Variants in IL5RA observed in about 807,000 individuals in gnomAD.
IL5RA encodes the protein interleukin 5 receptor subunit alpha.
In IL5RA, 49 loss-of-function variants were observed where a neutral mutation model predicts 50.0. That is an observed-to-expected ratio of 0.98 (90% confidence interval 0.78 to 1.24). IL5RA has a LOEUF of 1.24. Ranked by LOEUF, IL5RA falls within the 50% of genes most tolerant of loss-of-function variation. The probability of loss-of-function intolerance (pLI) is 0.00; values close to 1 mark genes in which losing one functional copy is unlikely to be tolerated. For synonymous variants in IL5RA, 202 were observed against 174.0 expected (o/e 1.16, Z -1.26); for missense variants, 600 against 500.4 (o/e 1.20, Z -1.90).
chr3:3,099,658 TTTATTA>T lies in IL5RA; in HGVS notation c.368-1374_368-1369del, dbSNP rs10525244. On this transcript the variant is annotated intron_variant, in intron 5 of 11. Transcript: ENST00000446632. ...AACAAAACCTTCAGATTTTATTTTA[TTTATTA>T]TTATTATTATTATTATTATTATTTG... Among the ~76,000 whole-genome samples the T allele has an allele frequency of 4.5e-3, 652 of 144,282 alleles. 5 individuals are homozygous for T. Among genetic ancestry groups the T allele is most frequent in the Admixed American group, 0.016 (229 of 14,324 alleles). 94.7% of individuals were successfully genotyped at this position (144,282 alleles called of 152,430 possible).
intron 11 of IL5RA, among the ~76,000 whole-genome samples, chr3:3,071,147 T>A (rs1702283542): frequency 1.3e-5 from 2 of 152,210 alleles, no homozygotes; most frequent in South Asian, 4.1e-4. Context: ...TCCAAAATAT[T>A]TTTTACTATC....
rs980196891 is a variant in IL5RA, at chr3:3,068,516, A to G, written c.*1709T>C. ...CTTGAGCCCAGGACAGGGAGGTTGT[A>G]GTGAGCTAAGATCACATCACTACAC... On this transcript the variant is annotated 3_prime_UTR_variant, in exon 12 of 12. Coordinates refer to ENST00000446632, the MANE Select transcript of IL5RA (RefSeq NM_175726.4). 6.8e-6 allele frequency: 1 copy of G among 146,450 alleles called. No homozygotes were observed. The highest frequency in any genetic ancestry group is 1.5e-5 in the Non-Finnish European group (1 of 66,916). 9.1% of individuals were successfully genotyped at this position (146,450 alleles called of 1,614,324 possible).
intron 11 of IL5RA, among the ~76,000 whole-genome samples, chr3:3,071,599 T>TGTGTA (rs1559858931): frequency 7.4e-5 from 8 of 107,852 alleles, no homozygotes; most frequent in African/African-American, 2.4e-4. Flanking sequence ...GTGTGTGTAT[T>TGTGTA]TTTTTTTTTT....
chr3:3,077,704 G>A (rs889604881), intron 9 of IL5RA, among the ~76,000 whole-genome samples: 1 of 152,174 alleles, frequency 6.6e-6, no homozygotes, highest in Non-Finnish European at 1.5e-5. Flanking sequence ...GGCAGCAGGG[G>A]TTGCAGTGAG....
rs17880105 is a variant in IL5RA at position 3,090,662 on chromosome 3, G to A, written c.994+1562C>T. ...GCTCACTGCAAGCTCCGCCTCCCGGGTTCACGCCATTCTCCTGCCTCAGCC... is the reference window on the plus strand; with the variant it reads ...GCTCACTGCAAGCTCCGCCTCCCGGATTCACGCCATTCTCCTGCCTCAGCC... On this transcript the variant is annotated intron_variant, in intron 9 of 11. Transcript: ENST00000446632. Among the ~76,000 whole-genome samples, 635 of 151,090 alleles carry A rather than the reference G, an allele frequency of 4.2e-3. 4 individuals carry two copies. Among genetic ancestry groups the A allele is most frequent in the African/African-American group, 0.015 (616 of 41,004 alleles).
chr3:3,109,251 G>T (rs934750242), intron 1 of IL5RA, among the ~76,000 whole-genome samples: 1 of 152,038 alleles, frequency 6.6e-6, no homozygotes, highest in African/African-American at 2.4e-5. Context: ...ACATATTTCA[G>T]CAAATTTGGG....
At chr3:3,086,015 A>G (rs946670591) in intron 9 of IL5RA, among the ~76,000 whole-genome samples, 4 of 152,164 alleles carry the variant, frequency 2.6e-5, no homozygotes, top group Non-Finnish European at 4.4e-5. Context: ...TGTAGGTGCC[A>G]TACATCTCAA....
chr3:3,083,790 T>G (rs1702750158), intron 9 of IL5RA, among the ~76,000 whole-genome samples: 1 of 152,200 alleles, frequency 6.6e-6, no homozygotes, highest in Admixed American at 6.5e-5. Context: ...GGCTCAGGCC[T>G]GCAATCCCAG....
chr3:3,089,774 C>A (rs1033053584), intron 9 of IL5RA, among the ~76,000 whole-genome samples: 1 of 152,230 alleles, frequency 6.6e-6, no homozygotes, highest in East Asian at 1.9e-4. Context: ...AGGCGCGCAC[C>A]ACCACGCCCA....
At chr3:3,078,063 AG>A (rs1382741919) in intron 9 of IL5RA, among the ~76,000 whole-genome samples, 1 of 152,224 alleles carries the variant, frequency 6.6e-6, no homozygotes, top group African/African-American at 2.4e-5. Flanking sequence ...CCATTAGGAA[AG>A]AATCACACTC....
intron 9 of IL5RA, among the ~76,000 whole-genome samples, chr3:3,090,782 C>G (rs1182062679): frequency 6.6e-6 from 1 of 151,830 alleles, no homozygotes; most frequent in Non-Finnish European, 1.5e-5. Context: ...ACCATGTTAC[C>G]GAGGATGGTC....
At chr3:3,109,345 T>TA (rs1704075758) in intron 1 of IL5RA, among the ~76,000 whole-genome samples, 1 of 152,228 alleles carries the variant, frequency 6.6e-6, no homozygotes, top group Non-Finnish European at 1.5e-5. Context: ...TTCAGTTAGA[T>TA]AAAGTGCCTC....
At chr3:3,101,973 CA>C (rs1703674548) in intron 4 of IL5RA, 143 bp from the exon 5 acceptor site, 1 of 724,940 alleles carries the variant, frequency 1.4e-6, no homozygotes, top group Non-Finnish European at 2.2e-6. Context: ...AAAGTCAAAA[CA>C]AAACCATTGT....
chr3:3,081,134 C>T (rs1049635833), intron 9 of IL5RA, among the ~76,000 whole-genome samples: 2 of 152,114 alleles, frequency 1.3e-5, no homozygotes, highest in Admixed American at 6.5e-5. Context: ...CTTCCTAAAT[C>T]CTACAGATCC....
Position 3,067,613 on chromosome 3 carries a change from T to A in IL5RA, c.*2612A>T, listed in dbSNP as rs189499655. 1 of 152,392 alleles carries A rather than the reference T, an allele frequency of 6.6e-6. No homozygotes were observed. The highest frequency in any genetic ancestry group is 1.9e-4 in the East Asian group (1 of 5,186). The allele number at this position is 152,392 out of a possible 1,614,324, so 9.4% of individuals were successfully genotyped here. ...ACCAACTCTGCTTTTGAAGGCTTCA[T>A]GGAGGAAGTGATGATGGTTACGGGT... On this transcript the variant is annotated 3_prime_UTR_variant, in exon 12 of 12. Coordinates refer to ENST00000446632, the MANE Select transcript of IL5RA (RefSeq NM_175726.4).
chr3:3,075,852 G>A (rs1702462317), intron 10 of IL5RA, among the ~76,000 whole-genome samples: 1 of 151,324 alleles, frequency 6.6e-6, no homozygotes, highest in African/African-American at 2.4e-5. Context: ...CACCCGCTGT[G>A]GCCTCCCAAA....
Position 3,102,655 on chromosome 3 carries a change from C to A in IL5RA, c.228+20G>T. On this transcript the variant is annotated intron_variant, in intron 4 of 11. Transcript: ENST00000446632. ...GCATATTTATTCTCAATAAGGATAT[C>A]CATTAGAATAAACACTTACGTCATC... The A allele has an allele frequency of 6.7e-7, 1 of 1,493,950 alleles. No homozygotes were observed. The highest frequency in any genetic ancestry group is 1.2e-5 in the South Asian group (1 of 81,706). 92.5% of individuals were successfully genotyped at this position (1,493,950 alleles called of 1,614,324 possible).
intron 4 of IL5RA, 49 bp from the exon 5 acceptor site, chr3:3,101,879 AAG>A (rs2125983833): frequency 6.6e-7 from 1 of 1,516,670 alleles, no homozygotes; most frequent in Non-Finnish European, 9.0e-7. Context: ...AACTAGACTT[AAG>A]AGAGCTATTT....
chr3:3,077,653 C>T (rs981769241), intron 9 of IL5RA, among the ~76,000 whole-genome samples: 8 of 152,156 alleles, frequency 5.3e-5, no homozygotes, highest in African/African-American at 1.9e-4. Context: ...CCTGTAATCT[C>T]AGCTACTTGG....
Sources: allele counts gnomAD v4.1 joint callset (sites outside exome capture counted in the v4.1 genomes callset), GRCh38; gene constraint gnomAD v4.1.1; transcripts MANE v1.5; gene names NCBI Gene and HGNC (gene_info 2026-07-23, HGNC 2026-07-21).